Variants in WWOX observed in about 807,000 individuals in gnomAD.
WWOX encodes the protein WW domain-containing oxidoreductase.
A neutral mutation model predicts 46.2 loss-of-function variants in WWOX; 69 were observed. The observed-to-expected ratio is 1.49, with a 90% CI of 1.23 to 1.82. WWOX has a LOEUF of 1.82. Ranked by LOEUF, WWOX falls within the 40% of genes most tolerant of loss-of-function variation. The pLI is 0.00. For missense variants in WWOX, 919 were observed against 542.6 expected (o/e 1.69, Z -6.89); for synonymous variants, 359 against 202.6 (o/e 1.77, Z -6.56).
chr16:78,580,632 A>C (rs1163827178), intron 8 of WWOX, among the ~76,000 whole-genome samples: 2 of 152,232 alleles, frequency 1.3e-5, no homozygotes, highest in African/African-American at 4.8e-5. Flanking sequence ...CTCTGGTATT[A>C]GTAAATTATA....
chr16:78,718,182 A>AT (rs2048613423), intron 8 of WWOX, among the ~76,000 whole-genome samples: 1 of 150,202 alleles, frequency 6.7e-6, no homozygotes, highest in African/African-American at 2.5e-5. Flanking sequence ...CCAAGTTATT[A>AT]TTTTTTATTG....
At chr16:78,140,769 A>C (rs1300751677) in intron 4 of WWOX, among the ~76,000 whole-genome samples, 2 of 152,182 alleles carry the variant, frequency 1.3e-5, no homozygotes, top group African/African-American at 2.4e-5. Context: ...GTTTCCAAGT[A>C]AGGTGACATT....
At chr16:79,025,050 C>T (rs1225933189) in intron 8 of WWOX, among the ~76,000 whole-genome samples, 2 of 152,178 alleles carry the variant, frequency 1.3e-5, no homozygotes, top group Non-Finnish European at 2.9e-5. Context: ...TGTGTTCCTG[C>T]TGGAGAGTGA....
intron 8 of WWOX, among the ~76,000 whole-genome samples, chr16:78,524,097 G>T (rs567884058): frequency 6.6e-6 from 1 of 152,324 alleles, no homozygotes; most frequent in Non-Finnish European, 1.5e-5. Flanking sequence ...ATAACATGAA[G>T]TGTGTTTTAG....
At chr16:78,931,268 C>T (rs1365900030) in intron 8 of WWOX, among the ~76,000 whole-genome samples, 1 of 152,124 alleles carries the variant, frequency 6.6e-6, no homozygotes, top group Non-Finnish European at 1.5e-5. Flanking sequence ...CGCAGGTCAG[C>T]ATGCTCTAGG....
At chr16:78,504,270 G>A (rs1489207557) in intron 8 of WWOX, among the ~76,000 whole-genome samples, 9 of 152,342 alleles carry the variant, frequency 5.9e-5, no homozygotes, top group Middle Eastern at 3.4e-3. Flanking sequence ...AGAGGGTAAA[G>A]TATCCCTGAA....
intron 8 of WWOX, among the ~76,000 whole-genome samples, chr16:78,768,638 A>T (rs2049986208): frequency 6.6e-6 from 1 of 151,510 alleles, no homozygotes; most frequent in East Asian, 1.9e-4. Flanking sequence ...TTCTAAATAG[A>T]TTTCCTTTAT....
chr16:79,211,513 G>T lies in WWOX; in HGVS notation c.1057-95G>T, dbSNP rs146710575. ...AGATCCAGCTGAAACTGAACCAGGT[G>T]GGGGAGGCCTGCTAATGCCCAGGCA... On this transcript the variant is annotated intron_variant, in intron 8 of 8. Transcript: ENST00000566780. 4.3e-4 allele frequency: 656 copies of T among 1,515,664 alleles called. 2 individuals are homozygous for T. The African/African-American group carries it at 7.4e-3, about 17-fold the overall frequency. 93.9% of individuals were successfully genotyped at this position (1,515,664 alleles called of 1,614,324 possible).
chr16:79,192,224 A>G (rs1467942484), intron 8 of WWOX, among the ~76,000 whole-genome samples: 1 of 152,224 alleles, frequency 6.6e-6, no homozygotes, highest in Non-Finnish European at 1.5e-5. Context: ...AAGCACTGTG[A>G]GTCATTTCCA....
intron 5 of WWOX, among the ~76,000 whole-genome samples, chr16:78,171,566 A>G (rs974937175): frequency 2.6e-5 from 4 of 152,166 alleles, no homozygotes; most frequent in African/African-American, 9.7e-5. Flanking sequence ...TCATTCGTCA[A>G]CGCATCACAA....
chr16:79,069,601 G>C (rs2048510609), intron 8 of WWOX, among the ~76,000 whole-genome samples: 1 of 150,606 alleles, frequency 6.6e-6, no homozygotes, highest in Non-Finnish European at 1.5e-5. Context: ...CTAGTGGAAA[G>C]TATGCTGTTA....
intron 4 of WWOX, among the ~76,000 whole-genome samples, chr16:78,160,250 AT>A (rs2034749062): frequency 6.6e-6 from 1 of 151,840 alleles, no homozygotes; most frequent in South Asian, 2.1e-4. Context: ...TGGCATGATC[AT>A]CCTCCTGAGT....
Position 78,529,579 on chromosome 16 carries a change from G to A in WWOX, c.1056+96827G>A, listed in dbSNP as rs2043569115. Among the ~76,000 whole-genome samples the A allele has an allele frequency of 4.6e-5, 7 of 151,976 alleles. No individual in the cohort carries two copies. In the East Asian group the frequency reaches 7.8e-4, roughly 17 times the overall value. On this transcript the variant is annotated intron_variant, in intron 8 of 8. Coordinates refer to ENST00000566780, the MANE Select transcript of WWOX (RefSeq NM_016373.4). ...CCTCTCGAGTTCAAGCGATTCTTCT[G>A]CCTCAGCCTCCTGAGTAGCTGGGAT...
chr16:78,775,373 A>C (rs904080177), intron 8 of WWOX, among the ~76,000 whole-genome samples: 4 of 152,096 alleles, frequency 2.6e-5, no homozygotes, highest in African/African-American at 7.2e-5. Flanking sequence ...TTTTTGGGCA[A>C]CTTTTCGATG....
At chr16:78,378,972 G>C (rs933327194) in intron 5 of WWOX, among the ~76,000 whole-genome samples, 1 of 152,192 alleles carries the variant, frequency 6.6e-6, no homozygotes, top group Non-Finnish European at 1.5e-5. Flanking sequence ...CAGTGTGGCA[G>C]TCATGTGACG....
At chr16:78,524,591 T>A (rs1034613026) in intron 8 of WWOX, among the ~76,000 whole-genome samples, 1 of 151,832 alleles carries the variant, frequency 6.6e-6, no homozygotes, top group African/African-American at 2.4e-5. Context: ...CTGCTAATTT[T>A]TATATTTTTA....
At chr16:78,213,761 T>A (rs2036632748) in intron 5 of WWOX, among the ~76,000 whole-genome samples, 1 of 152,106 alleles carries the variant, frequency 6.6e-6, no homozygotes, top group Non-Finnish European at 1.5e-5. Flanking sequence ...GCTGCAAATG[T>A]CTTACCCAGG....
chr16:78,949,677 G>A (rs2046019308), intron 8 of WWOX, among the ~76,000 whole-genome samples: 1 of 152,210 alleles, frequency 6.6e-6, no homozygotes, highest in African/African-American at 2.4e-5. Context: ...AAGCCTTGAG[G>A]TATACGTGTG....
At chr16:78,588,529 G>C (rs1328653080) in intron 8 of WWOX, among the ~76,000 whole-genome samples, 2 of 152,128 alleles carry the variant, frequency 1.3e-5, no homozygotes, top group Non-Finnish European at 2.9e-5. Flanking sequence ...GTCATGAAGA[G>C]GAATGAAATA....
Sources: allele counts gnomAD v4.1 joint callset (sites outside exome capture counted in the v4.1 genomes callset), GRCh38; gene constraint gnomAD v4.1.1; transcripts MANE v1.5; gene names NCBI Gene and HGNC (gene_info 2026-07-23, HGNC 2026-07-21).